PPP3CA: variants seen among roughly 807,000 people sequenced by gnomAD.
PPP3CA encodes the protein protein phosphatase 3 catalytic subunit alpha.
Under a neutral mutation model 66.5 loss-of-function variants are expected in PPP3CA, and 14 were observed. The ratio of observed to expected loss-of-function variants is 0.21; its 90% CI spans 0.14 to 0.33. PPP3CA has a LOEUF of 0.33. PPP3CA is among the 10% of genes least tolerant of loss of function. The pLI is 1.00. For missense variants in PPP3CA, 317 were observed against 639.5 expected (o/e 0.50, Z 5.44); for synonymous variants, 232 against 226.2 (o/e 1.03, Z -0.23).
At position 101,093,889 on chromosome 4, in the gene PPP3CA, T is replaced by C; in HGVS notation, c.669A>G (p.Ala223=). The change falls in exon 6 of 14, where the codon GCA becomes GCG. Residue 223 remains alanine, a synonymous_variant. Transcript: ENST00000394854. ...RKLDRFKEPP[A]YGPMCDILWS... Reference sequence around the variant, plus strand: ...ACAGGATATCACACATAGGTCCATATGCAGGTGGTTCTTTGAATCGGTCTA... The same window carrying C: ...ACAGGATATCACACATAGGTCCATACGCAGGTGGTTCTTTGAATCGGTCTA... The C allele has an allele frequency of 3.1e-6, 5 of 1,608,672 alleles. No individual in the cohort carries two copies. Among genetic ancestry groups the C allele is most frequent in the Non-Finnish European group, 4.2e-6 (5 of 1,178,026 alleles).
intron 6 of PPP3CA, among the ~76,000 whole-genome samples, chr4:101,086,277 G>T (rs1729670945): frequency 6.6e-6 from 1 of 152,024 alleles, no homozygotes; most frequent in African/African-American, 2.4e-5. Context: ...GATAGGAAAG[G>T]GGTTAGAATT....
chr4:101,133,723 C>T (rs913700664), intron 2 of PPP3CA, among the ~76,000 whole-genome samples: 1 of 152,104 alleles, frequency 6.6e-6, no homozygotes, highest in Non-Finnish European at 1.5e-5. Flanking sequence ...TGACTTTCTT[C>T]ACAGGAATAG....
intron 1 of PPP3CA, among the ~76,000 whole-genome samples, chr4:101,264,959 A>G (rs929085537): frequency 6.6e-6 from 1 of 152,176 alleles, no homozygotes; most frequent in East Asian, 1.9e-4. Context: ...TTTAGGCCAA[A>G]CAATTCTCTC....
chr4:101,231,421 ATAGT>A (rs1175012640), intron 1 of PPP3CA, among the ~76,000 whole-genome samples: 2 of 151,774 alleles, frequency 1.3e-5, no homozygotes, highest in Middle Eastern at 3.2e-3. Flanking sequence ...GGAAGGAGGT[ATAGT>A]TAGTTTATTT....
chr4:101,330,216 C>T (rs1729336654), intron 1 of PPP3CA: 1 of 415,680 alleles, frequency 2.4e-6, no homozygotes, highest in East Asian at 8.4e-5. Flanking sequence ...GGAGTAACTG[C>T]ATATGTGGTA....
At chr4:101,124,697 G>GAAAGAA (rs1553926642) in intron 2 of PPP3CA, among the ~76,000 whole-genome samples, 3 of 91,742 alleles carry the variant, frequency 3.3e-5, no homozygotes, top group Admixed American at 1.4e-4. Flanking sequence ...AAGAAAGAAA[G>GAAAGAA]AAAGAAAGAA....
chr4:101,237,128 T>C (rs866399549), intron 1 of PPP3CA, among the ~76,000 whole-genome samples: 3 of 150,832 alleles, frequency 2.0e-5, no homozygotes, highest in African/African-American at 7.3e-5. Context: ...CTGAGAAGCC[T>C]TCCTTTATTA....
At chr4:101,106,890 A>G (rs1730779826) in intron 3 of PPP3CA, among the ~76,000 whole-genome samples, 1 of 152,192 alleles carries the variant, frequency 6.6e-6, no homozygotes, top group Non-Finnish European at 1.5e-5. Flanking sequence ...GTGCCACATC[A>G]GTCTTGGATT....
At chr4:101,112,819 C>T (rs1270645813) in intron 2 of PPP3CA, among the ~76,000 whole-genome samples, 1 of 152,092 alleles carries the variant, frequency 6.6e-6, no homozygotes, top group Non-Finnish European at 1.5e-5. Flanking sequence ...TGTTTCTTCT[C>T]TGATTCTTCC....
At chr4:101,059,579 A>ATGACCTGTAT (rs1434995372) in intron 10 of PPP3CA, among the ~76,000 whole-genome samples, 5 of 152,170 alleles carry the variant, frequency 3.3e-5, no homozygotes, top group African/African-American at 1.2e-4. Context: ...ATTTATACCC[A>ATGACCTGTAT]TGACCTGTAT....
intron 2 of PPP3CA, among the ~76,000 whole-genome samples, chr4:101,110,896 A>T (rs1721647734): frequency 6.6e-6 from 1 of 152,196 alleles, no homozygotes; most frequent in Non-Finnish European, 1.5e-5. Flanking sequence ...AAAAACTAAC[A>T]TAAATAGTAA....
chr4:101,270,338 C>T (rs1727298812), intron 1 of PPP3CA, among the ~76,000 whole-genome samples: 1 of 152,080 alleles, frequency 6.6e-6, no homozygotes, highest in South Asian at 2.1e-4. Flanking sequence ...TATCACAAGG[C>T]ATACAGCGAT....
intron 2 of PPP3CA, among the ~76,000 whole-genome samples, chr4:101,169,319 TGCTC>T (rs754783355): frequency 2.0e-5 from 3 of 152,160 alleles, no homozygotes; most frequent in African/African-American, 4.8e-5. Context: ...GTAGAGAAGA[TGCTC>T]AGTCAGCAGC....
At chr4:101,320,012 C>T (rs1220526245) in intron 1 of PPP3CA, among the ~76,000 whole-genome samples, 1 of 152,104 alleles carries the variant, frequency 6.6e-6, no homozygotes, top group Non-Finnish European at 1.5e-5. Flanking sequence ...TCTACCCAAT[C>T]CCCAATTTCC....
At chr4:101,342,871 CA>C (rs1200815032) in intron 1 of PPP3CA, among the ~76,000 whole-genome samples, 3 of 152,166 alleles carry the variant, frequency 2.0e-5, no homozygotes, top group African/African-American at 7.2e-5. Flanking sequence ...TTATCAGTCT[CA>C]CCCAGCTAGA....
intron 2 of PPP3CA, among the ~76,000 whole-genome samples, chr4:101,189,460 T>C (rs1460746539): frequency 6.6e-6 from 1 of 151,984 alleles, no homozygotes; most frequent in Non-Finnish European, 1.5e-5. Context: ...TTCATAAACC[T>C]GTAACATTAA....
At chr4:101,289,091 C>T (rs1300031712) in intron 1 of PPP3CA, among the ~76,000 whole-genome samples, 3 of 152,070 alleles carry the variant, frequency 2.0e-5, no homozygotes, top group African/African-American at 4.8e-5. Context: ...CTTTTATAAA[C>T]CCATTATAAA....
intron 1 of PPP3CA, among the ~76,000 whole-genome samples, chr4:101,257,686 T>C (rs1726888749): frequency 6.6e-6 from 1 of 152,036 alleles, no homozygotes; most frequent in Admixed American, 6.6e-5. Flanking sequence ...TACACAGAGA[T>C]GAGAGAAAAT....
chr4:101,186,042 G>C (rs1724399673), intron 2 of PPP3CA, among the ~76,000 whole-genome samples: 3 of 152,134 alleles, frequency 2.0e-5, no homozygotes, highest in African/African-American at 7.2e-5. Flanking sequence ...AGGCGTATTT[G>C]AGGCCAATCA....
Sources: allele counts gnomAD v4.1 joint callset (sites outside exome capture counted in the v4.1 genomes callset), GRCh38; gene constraint gnomAD v4.1.1; transcripts MANE v1.5; gene names NCBI Gene and HGNC (gene_info 2026-07-23, HGNC 2026-07-21).